Variants in DNAJC1 observed in about 807,000 individuals in gnomAD.
DNAJC1 encodes the protein dnaJ homolog subfamily C member 1.
DNAJC1 carries 58 observed loss-of-function variants against 76.6 expected under a neutral mutation model. That is an observed-to-expected ratio of 0.76 (90% CI 0.61 to 0.94). The LOEUF is 0.94. Ranked by LOEUF, DNAJC1 falls within the 40% of genes least tolerant of loss-of-function variation. The pLI is 0.00. For missense variants in DNAJC1, 689 were observed against 677.3 expected, an observed-to-expected ratio of 1.02 and a Z score of -0.19; for synonymous variants, 258 against 267.9, an observed-to-expected ratio of 0.96 and a Z score of 0.36.
At chr10:21,997,946 A>G (rs1265374255) in intron 1 of DNAJC1, among the ~76,000 whole-genome samples, 1 of 152,210 alleles carries the variant, frequency 6.6e-6, no homozygotes, top group Non-Finnish European at 1.5e-5. Flanking sequence ...TCTTGACTTC[A>G]GCATAAAGTA....
intron 8 of DNAJC1, chr10:21,861,010 T>A (rs539361578): frequency 6.6e-6 from 1 of 152,216 alleles, no homozygotes; most frequent in Admixed American, 6.5e-5. Context: ...GTTCTACAGA[T>A]AAAAACTCCA....
chr10:21,793,746 G>A (rs1461922230), intron 9 of DNAJC1, among the ~76,000 whole-genome samples: 1 of 152,014 alleles, frequency 6.6e-6, no homozygotes, highest in Non-Finnish European at 1.5e-5. Flanking sequence ...AGGAATTCAA[G>A]ACCAGCCTGG....
chr10:21,867,332 C>G (rs1440934649), intron 8 of DNAJC1, among the ~76,000 whole-genome samples: 1 of 152,058 alleles, frequency 6.6e-6, no homozygotes, highest in Non-Finnish European at 1.5e-5. Context: ...ACACAGCCTA[C>G]AGATGTGTGC....
At chr10:21,801,155 C>T (rs1834809444) in intron 9 of DNAJC1, among the ~76,000 whole-genome samples, 2 of 151,854 alleles carry the variant, frequency 1.3e-5, no homozygotes, top group Middle Eastern at 3.2e-3. Flanking sequence ...TTTTGAAAAG[C>T]GTAAAATACT....
chr10:21,832,745 A>T lies in DNAJC1; in HGVS notation c.979-26646T>A, dbSNP rs1174544162. ...CTAATGGGTCCTTCTCTTCCCTTTGATCTTATATACTTTTGCAGTGAAATA... is the reference window on the plus strand; with the variant it reads ...CTAATGGGTCCTTCTCTTCCCTTTGTTCTTATATACTTTTGCAGTGAAATA... On this transcript the variant is annotated intron_variant, in intron 8 of 11. Transcript: ENST00000376980. Among the ~76,000 whole-genome samples, 4 of 152,136 alleles carry T rather than the reference A, an allele frequency of 2.6e-5. No individual in the cohort carries two copies. In the East Asian group the frequency reaches 5.8e-4, roughly 22 times the overall value.
intron 1 of DNAJC1, among the ~76,000 whole-genome samples, chr10:21,937,870 A>T (rs1837334466): frequency 6.6e-6 from 1 of 152,156 alleles, no homozygotes; most frequent in South Asian, 2.1e-4. Context: ...AACAACAAGT[A>T]ATCAAAAAGG....
intron 8 of DNAJC1, among the ~76,000 whole-genome samples, chr10:21,877,393 C>G (rs1485384360): frequency 1.3e-5 from 2 of 151,572 alleles, no homozygotes; most frequent in African/African-American, 4.8e-5. Flanking sequence ...AAAGACACCA[C>G]TAAGAACAAA....
intron 9 of DNAJC1, among the ~76,000 whole-genome samples, chr10:21,782,670 GA>G (rs1396093093): frequency 6.6e-6 from 1 of 152,202 alleles, no homozygotes; most frequent in Non-Finnish European, 1.5e-5. Context: ...CTGGCAAACC[GA>G]ATCCAGCAGC....
chr10:21,816,392 T>A (rs1052819210), intron 8 of DNAJC1, among the ~76,000 whole-genome samples: 1 of 151,664 alleles, frequency 6.6e-6, no homozygotes, highest in Non-Finnish European at 1.5e-5. Context: ...TCCTTTTGGA[T>A]TGCCTTGACA....
At position 21,920,034 on chromosome 10, in the gene DNAJC1, G is replaced by A. The variant is rs1030589079; in HGVS notation, c.538-105C>T. 4 of 666,346 alleles carry A rather than the reference G, an allele frequency of 6.0e-6. No homozygotes were observed. In the South Asian group the frequency reaches 8.7e-5, roughly 14 times the overall value. The allele number at this position is 666,346 out of a possible 1,614,324, so 41.3% of individuals were successfully genotyped here. A position where few individuals can be genotyped will look rare whatever the true frequency, so the allele number is the denominator to read the frequency against. ...GTAAACATTATAGAGGAACATTTAT[G>A]CAAATGTATGTAGGGTCCAACATGA... is the stretch of plus-strand genomic sequence containing the variant. On this transcript the variant is annotated intron_variant, in intron 4 of 11. Coordinates refer to ENST00000376980, the MANE Select transcript of DNAJC1 (RefSeq NM_022365.4).
chr10:21,767,722 A>ACAGT (rs1834317330), intron 9 of DNAJC1, among the ~76,000 whole-genome samples: 2 of 152,340 alleles, frequency 1.3e-5, no homozygotes, highest in African/African-American at 4.8e-5. Flanking sequence ...TTGACCAGGC[A>ACAGT]CAGTCGCTCA....
chr10:21,875,673 C>G (rs1432975567), intron 8 of DNAJC1, among the ~76,000 whole-genome samples: 2 of 152,172 alleles, frequency 1.3e-5, no homozygotes, highest in African/African-American at 4.8e-5. Flanking sequence ...CACCTGTAAT[C>G]CCAACAGTTT....
At chr10:21,994,592 T>C (rs916677909) in intron 1 of DNAJC1, among the ~76,000 whole-genome samples, 2 of 151,994 alleles carry the variant, frequency 1.3e-5, no homozygotes, top group Non-Finnish European at 2.9e-5. Flanking sequence ...ATCAAGACCA[T>C]TCTGGCTAAC....
intron 8 of DNAJC1, among the ~76,000 whole-genome samples, chr10:21,846,002 T>C (rs1376249863): frequency 2.0e-5 from 3 of 152,180 alleles, no homozygotes; most frequent in Non-Finnish European, 1.5e-5. Context: ...AGAATATCCA[T>C]AGTTGAACCA....
At chr10:21,874,833 ACAT>A (rs1481748855) in intron 8 of DNAJC1, among the ~76,000 whole-genome samples, 10 of 152,202 alleles carry the variant, frequency 6.6e-5, no homozygotes, top group African/African-American at 2.4e-4. Flanking sequence ...CCTATAGCAC[ACAT>A]CATATTTAAT....
At chr10:21,941,370 T>C (rs1313200592) in intron 1 of DNAJC1, among the ~76,000 whole-genome samples, 1 of 151,660 alleles carries the variant, frequency 6.6e-6, no homozygotes, top group Non-Finnish European at 1.5e-5. Context: ...AAAGGCAGAT[T>C]TGTGACAACT....
chr10:21,979,723 T>C (rs1318585975), intron 1 of DNAJC1, among the ~76,000 whole-genome samples: 1 of 151,870 alleles, frequency 6.6e-6, no homozygotes, highest in Non-Finnish European at 1.5e-5. Flanking sequence ...TTTTTTTTTT[T>C]TTCACCATGG....
chr10:21,864,723 G>T lies in DNAJC1; in HGVS notation c.978+17559C>A, dbSNP rs956752614. Among the ~76,000 whole-genome samples, 5 of 151,924 alleles carry T rather than the reference G, an allele frequency of 3.3e-5. No individual in the cohort carries two copies. In the East Asian group the frequency reaches 9.6e-4, roughly 29 times the overall value. ...ATTTCCTAATTATGACATATAAAAA[G>T]AAGTATAAAAGAAAAAAATTGAACA... On this transcript the variant is annotated intron_variant, in intron 8 of 11. Transcript: ENST00000376980.
At chr10:21,840,517 A>G (rs1015283420) in intron 8 of DNAJC1, among the ~76,000 whole-genome samples, 2 of 152,218 alleles carry the variant, frequency 1.3e-5, no homozygotes, top group African/African-American at 4.8e-5. Flanking sequence ...TTCAAAGAGA[A>G]TAAAATACCT....
Sources: gnomAD v4.1 joint callset for allele counts (sites outside exome capture counted in the v4.1 genomes callset) on GRCh38, gnomAD v4.1.1 for gene constraint, MANE v1.5 for transcripts, NCBI Gene and HGNC (gene_info 2026-07-23, HGNC 2026-07-21) for gene names.